Variants in SEMA3A observed in about 807,000 individuals in gnomAD.
The protein encoded by SEMA3A is semaphorin-3A.
A neutral mutation model predicts 97.9 loss-of-function variants in SEMA3A; 29 were observed. The ratio of observed to expected loss-of-function variants is 0.30; its 90% CI spans 0.22 to 0.40. The LOEUF (loss-of-function observed/expected upper bound fraction) is 0.40, where lower values mean the gene tolerates loss of function less well. SEMA3A is among the 10% of genes least tolerant of loss of function. The pLI is 1.00. For synonymous variants in SEMA3A, 321 were observed against 323.7 expected (o/e 0.99, Z 0.09); for missense variants, 763 against 951.3 (o/e 0.80, Z 2.60).
intron 1 of SEMA3A, among the ~76,000 whole-genome samples, chr7:84,385,007 C>T (rs182453800): frequency 1.1e-4 from 16 of 152,002 alleles, no homozygotes; most frequent in Admixed American, 5.2e-4. Flanking sequence ...GTTCAGATGT[C>T]ACTACTTTTG....
At chr7:84,448,219 C>A (rs543531459) in intron 1 of SEMA3A, among the ~76,000 whole-genome samples, 7 of 152,292 alleles carry the variant, frequency 4.6e-5, no homozygotes, top group Non-Finnish European at 8.8e-5. Context: ...ACGCCACCAG[C>A]CACAGAGGTT....
chr7:84,285,571 T>C (rs1800560084), intron 3 of SEMA3A, among the ~76,000 whole-genome samples: 1 of 152,140 alleles, frequency 6.6e-6, no homozygotes. Context: ...ATAATAAATC[T>C]TTATTACTTT....
At chr7:84,179,675 G>C (rs1005390277) in intron 1 of SEMA3A, among the ~76,000 whole-genome samples, 1 of 151,908 alleles carries the variant, frequency 6.6e-6, no homozygotes, top group Non-Finnish European at 1.5e-5. Context: ...TCTACTCCTA[G>C]TATTATTACA....
chr7:84,376,457 A>C (rs1282618625), intron 1 of SEMA3A, among the ~76,000 whole-genome samples: 1 of 142,020 alleles, frequency 7.0e-6, no homozygotes, highest in Non-Finnish European at 1.5e-5. Flanking sequence ...CAAAAAAATT[A>C]GCCGGGCGTG....
intron 2 of SEMA3A, among the ~76,000 whole-genome samples, chr7:84,369,528 T>C (rs1802926706): frequency 6.6e-6 from 1 of 151,186 alleles, no homozygotes; most frequent in Non-Finnish European, 1.5e-5. Context: ...AGTCTTCAGA[T>C]GATTATATTG....
chr7:84,133,317 T>C (rs1796020711), intron 2 of SEMA3A, among the ~76,000 whole-genome samples: 1 of 152,170 alleles, frequency 6.6e-6, no homozygotes, highest in Non-Finnish European at 1.5e-5. Flanking sequence ...TTTTTAGTGT[T>C]CAGGTAATGG....
chr7:84,324,891 A>G (rs1328208634), intron 2 of SEMA3A, among the ~76,000 whole-genome samples: 1 of 152,170 alleles, frequency 6.6e-6, no homozygotes, highest in Non-Finnish European at 1.5e-5. Context: ...TAAAATGTAT[A>G]AGGCATGTGT....
At chr7:84,374,960 T>C (rs1803061694) in intron 1 of SEMA3A, among the ~76,000 whole-genome samples, 1 of 152,174 alleles carries the variant, frequency 6.6e-6, no homozygotes, top group South Asian at 2.1e-4. Flanking sequence ...GAGACGTGTA[T>C]GTTTGAAGCA....
intron 2 of SEMA3A, among the ~76,000 whole-genome samples, chr7:84,340,857 A>G (rs1420938022): frequency 6.6e-6 from 1 of 151,922 alleles, no homozygotes; most frequent in Admixed American, 6.6e-5. Flanking sequence ...CTTTTAATAT[A>G]TATACTCTGA....
intron 15 of SEMA3A, among the ~76,000 whole-genome samples, chr7:83,968,067 T>C (rs1788776273): frequency 6.6e-6 from 1 of 152,250 alleles, no homozygotes; most frequent in Admixed American, 6.5e-5. Context: ...CAGCACAGTA[T>C]AGCTCTACTC....
At chr7:84,006,804 GAAAT>G (rs1790687464) in intron 10 of SEMA3A, among the ~76,000 whole-genome samples, 1 of 151,928 alleles carries the variant, frequency 6.6e-6, no homozygotes, top group Non-Finnish European at 1.5e-5. Context: ...TAATTCATGA[GAAAT>G]AAAATGAATG....
intron 1 of SEMA3A, among the ~76,000 whole-genome samples, chr7:84,449,983 C>T (rs1805516084): frequency 6.6e-6 from 1 of 152,150 alleles, no homozygotes; most frequent in African/African-American, 2.4e-5. Context: ...ATTCATCCAT[C>T]CACATACGTT....
intron 1 of SEMA3A, among the ~76,000 whole-genome samples, chr7:84,442,213 G>C (rs1350551695): frequency 1.3e-5 from 2 of 152,056 alleles, no homozygotes; most frequent in Non-Finnish European, 2.9e-5. Flanking sequence ...TGTAACTTTG[G>C]TTTGTAAATC....
chr7:83,976,294 A>G (rs545477827), intron 15 of SEMA3A, among the ~76,000 whole-genome samples: 5 of 152,232 alleles, frequency 3.3e-5, no homozygotes, highest in Admixed American at 3.3e-4. Context: ...ATAAATATTA[A>G]CTACTTTTAG....
intron 4 of SEMA3A, among the ~76,000 whole-genome samples, chr7:84,088,709 G>A (rs538763294): frequency 6.6e-6 from 1 of 152,144 alleles, no homozygotes; most frequent in East Asian, 1.9e-4. Flanking sequence ...AATATGAAAT[G>A]CATGATTCTA....
At chr7:84,122,371 A>G (rs1342309943) in intron 3 of SEMA3A, among the ~76,000 whole-genome samples, 3 of 152,142 alleles carry the variant, frequency 2.0e-5, no homozygotes, top group Non-Finnish European at 4.4e-5. Flanking sequence ...TCAAAACCAC[A>G]TGAGATACCA....
chr7:84,343,943 C>T (rs1463634359), intron 2 of SEMA3A, among the ~76,000 whole-genome samples: 2 of 151,704 alleles, frequency 1.3e-5, no homozygotes, highest in African/African-American at 4.8e-5. Flanking sequence ...GAGACTGAGG[C>T]TTTGCAGTGA....
intron 3 of SEMA3A, among the ~76,000 whole-genome samples, chr7:84,205,379 C>T (rs998050550): frequency 6.6e-6 from 1 of 152,158 alleles, no homozygotes; most frequent in Non-Finnish European, 1.5e-5. Context: ...TCAACAGGAA[C>T]ATTCTCTCTT....
intron 1 of SEMA3A, among the ~76,000 whole-genome samples, chr7:84,141,454 C>T (rs1289253669): frequency 6.6e-6 from 1 of 152,088 alleles, no homozygotes; most frequent in Non-Finnish European, 1.5e-5. Flanking sequence ...TTCTCCCCTA[C>T]CAGATGCTTA....
Sources: gnomAD v4.1 joint callset for allele counts (sites outside exome capture counted in the v4.1 genomes callset) on GRCh38, gnomAD v4.1.1 for gene constraint, MANE v1.5 for transcripts, NCBI Gene and HGNC (gene_info 2026-07-23, HGNC 2026-07-21) for gene names.